INPP4B: variants seen among roughly 807,000 people sequenced by gnomAD.
INPP4B encodes inositol polyphosphate-4-phosphatase type II B, also known as inositol polyphosphate 4-phosphatase type II.
INPP4B carries 55 observed loss-of-function variants against 122.5 expected under a neutral mutation model. The ratio of observed to expected loss-of-function variants is 0.45; its 90% confidence interval spans 0.36 to 0.56. The LOEUF (loss-of-function observed/expected upper bound fraction) is 0.56, where lower values mean the gene tolerates loss of function less well. INPP4B is among the 20% of genes least tolerant of loss of function. The probability of loss-of-function intolerance (pLI) is 0.00; values close to 1 mark genes in which losing one functional copy is unlikely to be tolerated. For missense variants in INPP4B, 1,000 were observed against 1,097.7 expected (o/e 0.91, Z 1.26); for synonymous variants, 403 against 388.7 (o/e 1.04, Z -0.43).
intron 2 of INPP4B, among the ~76,000 whole-genome samples, chr4:142,552,888 A>G (rs1477664939): frequency 3.3e-5 from 5 of 152,214 alleles, no homozygotes; most frequent in African/African-American, 1.2e-4. Context: ...TCTATAGTCC[A>G]GTCATAATCA....
chr4:142,675,906 A>C (rs1206929794), intron 2 of INPP4B, among the ~76,000 whole-genome samples: 2 of 152,158 alleles, frequency 1.3e-5, no homozygotes, highest in Non-Finnish European at 2.9e-5. Flanking sequence ...AATGGGCAAA[A>C]ACTGGAAGTA....
At chr4:142,627,659 A>G (rs1746783870) in intron 2 of INPP4B, among the ~76,000 whole-genome samples, 1 of 149,036 alleles carries the variant, frequency 6.7e-6, no homozygotes. Context: ...GTTTGCCAGT[A>G]TTTTATTGAG....
At chr4:142,665,072 C>G (rs1027586270) in intron 2 of INPP4B, among the ~76,000 whole-genome samples, 2 of 152,174 alleles carry the variant, frequency 1.3e-5, no homozygotes, top group African/African-American at 4.8e-5. Flanking sequence ...GGAAAACGTA[C>G]AGTTAAAATA....
chr4:142,481,067 A>T (rs992122310), intron 2 of INPP4B, among the ~76,000 whole-genome samples: 2 of 149,518 alleles, frequency 1.3e-5, no homozygotes, highest in South Asian at 4.3e-4. Flanking sequence ...CTCTGGAGGC[A>T]GAGGTTTCAG....
intron 1 of INPP4B, among the ~76,000 whole-genome samples, chr4:142,771,490 C>A (rs1156393274): frequency 6.6e-6 from 1 of 151,992 alleles, no homozygotes; most frequent in Admixed American, 6.6e-5. Context: ...TATGGTGATA[C>A]TATTCCAGGT....
chr4:142,451,882 A>G (rs1187495956), intron 3 of INPP4B, among the ~76,000 whole-genome samples: 2 of 152,204 alleles, frequency 1.3e-5, no homozygotes, highest in Non-Finnish European at 2.9e-5. Context: ...AGAGTAATGT[A>G]TATGAAGGGA....
intron 3 of INPP4B, among the ~76,000 whole-genome samples, chr4:142,446,904 G>GTA (rs1389714826): frequency 6.6e-6 from 1 of 152,130 alleles, no homozygotes; most frequent in Non-Finnish European, 1.5e-5. Flanking sequence ...TACACAAGAG[G>GTA]TACATTACAG....
chr4:142,588,655 C>A (rs11726084), intron 2 of INPP4B, among the ~76,000 whole-genome samples: 8,821 of 150,716 alleles, frequency 0.059, 300 homozygotes, highest in South Asian at 0.1. Context: ...GGTCTATATG[C>A]AGAAAACTAT....
intron 25 of INPP4B, among the ~76,000 whole-genome samples, chr4:142,058,318 G>GA (rs1393461672): frequency 3.3e-5 from 5 of 152,026 alleles, no homozygotes; most frequent in African/African-American, 1.2e-4. Flanking sequence ...ATAAAGCCTT[G>GA]AAATTGAGGA....
At chr4:142,292,536 T>C (rs1361405527) in intron 9 of INPP4B, among the ~76,000 whole-genome samples, 1 of 152,168 alleles carries the variant, frequency 6.6e-6, no homozygotes, top group Non-Finnish European at 1.5e-5. Flanking sequence ...AGAAAAATAA[T>C]CCCCACTTAC....
intron 16 of INPP4B, among the ~76,000 whole-genome samples, chr4:142,163,394 G>C (rs148140586): frequency 1.3e-3 from 204 of 151,878 alleles, no homozygotes; most frequent in African/African-American, 4.8e-3. Context: ...TCACCAGATC[G>C]ACTGTCAGGT....
chr4:142,701,895 T>C (rs867193316), intron 2 of INPP4B, among the ~76,000 whole-genome samples: 11 of 152,228 alleles, frequency 7.2e-5, no homozygotes, highest in African/African-American at 2.2e-4. Context: ...TCAAATATTC[T>C]AGATATTTTG....
At chr4:142,824,125 G>A (rs532620323) in intron 1 of INPP4B, among the ~76,000 whole-genome samples, 39 of 151,926 alleles carry the variant, frequency 2.6e-4, no homozygotes, top group Non-Finnish European at 4.4e-4. Context: ...TTAAACCATG[G>A]CCCCCCCAGG....
chr4:142,073,723 A>T (rs1035414440), intron 25 of INPP4B, among the ~76,000 whole-genome samples: 3 of 152,124 alleles, frequency 2.0e-5, no homozygotes, highest in Non-Finnish European at 4.4e-5. Context: ...ATCATTAGGC[A>T]GTGAAATGAA....
rs527667088 is a variant in INPP4B at position 142,598,378 on chromosome 4, T to C, written c.-191+127461A>G. ...AACTCACACTAGGTCATTCACTTCC[T>C]CACCTCTGAGACTTAAGCAGCTGCA... On this transcript the variant is annotated intron_variant, in intron 2 of 25. Transcript: ENST00000262992. Among the ~76,000 whole-genome samples the C allele has an allele frequency of 1.2e-4, 18 of 152,276 alleles. No individual in the cohort carries two copies. In the East Asian group the frequency reaches 3.3e-3, roughly 28 times the overall value.
rs116580638 is a variant in INPP4B at position 142,425,632 on chromosome 4, C to A, written c.136+3541G>T. Among the ~76,000 whole-genome samples, 711 of 151,990 alleles carry A rather than the reference C, an allele frequency of 4.7e-3. 4 individuals are homozygous for A. The highest frequency in any genetic ancestry group is 0.017 in the African/African-American group (697 of 41,492). On this transcript the variant is annotated intron_variant, in intron 5 of 25. Coordinates refer to ENST00000262992, the MANE Select transcript of INPP4B (RefSeq NM_001101669.3). The stretch of plus-strand genomic sequence containing the variant: ...ATATGAACAATATCCAAATTAGTAT[C>A]TATATCCTGCATAAGCACCTAGAGG...
At chr4:142,110,252 G>A (rs1789333692) in intron 22 of INPP4B, among the ~76,000 whole-genome samples, 1 of 152,048 alleles carries the variant, frequency 6.6e-6, no homozygotes, top group East Asian at 1.9e-4. Context: ...TAGGGAGAAT[G>A]TGGTCAGTTG....
intron 1 of INPP4B, chr4:142,767,949 G>T (rs1429168359): frequency 6.6e-6 from 1 of 152,148 alleles, no homozygotes; most frequent in Non-Finnish European, 1.5e-5. Flanking sequence ...GGCCTGAACA[G>T]GCAGACTGAT....
intron 15 of INPP4B, among the ~76,000 whole-genome samples, chr4:142,187,500 ATG>A (rs1007070574): frequency 6.6e-6 from 1 of 151,862 alleles, no homozygotes. Context: ...TATTATGTGT[ATG>A]TGTGTGTGTC....
Sources: gnomAD v4.1 joint callset for allele counts (sites outside exome capture counted in the v4.1 genomes callset) on GRCh38, gnomAD v4.1.1 for gene constraint, MANE v1.5 for transcripts, NCBI Gene and HGNC (gene_info 2026-07-23, HGNC 2026-07-21) for gene names.